SLC7A13: variants seen among roughly 807,000 people sequenced by gnomAD.
SLC7A13 encodes X-amino acid transporter 2.
A neutral mutation model predicts 32.0 loss-of-function variants in SLC7A13; 31 were observed. That is an observed-to-expected ratio of 0.97 (90% CI 0.73 to 1.31). The LOEUF is 1.31. Ranked by LOEUF, SLC7A13 falls within the 50% of genes most tolerant of loss-of-function variation. The pLI, the probability that SLC7A13 is intolerant of heterozygous loss-of-function variation, is 0.00. For missense variants in SLC7A13, 633 were observed against 546.9 expected (o/e 1.16, Z -1.57); for synonymous variants, 232 against 206.9 (o/e 1.12, Z -1.04).
At chr8:86,222,932 C>A (rs746228232) in intron 2 of SLC7A13, 40 bp downstream of exon 2, 2 of 1,539,954 alleles carry the variant, frequency 1.3e-6, no homozygotes, top group African/African-American at 1.4e-5. Flanking sequence ...GTTGAAAGGA[C>A]CAGCACTTTA....
intron 3 of SLC7A13, chr8:86,215,512 AC>A: frequency 3.4e-6 from 1 of 295,510 alleles, no homozygotes; most frequent in Non-Finnish European, 6.7e-6. Context: ...ATGGTGAAAC[AC>A]CGTCTCTACT....
chr8:86,224,790 A>C (rs1349568690), intron 1 of SLC7A13, among the ~76,000 whole-genome samples: 1 of 152,246 alleles, frequency 6.6e-6, no homozygotes, highest in Non-Finnish European at 1.5e-5. Context: ...CAAGAATTTG[A>C]AACAAAGTTC....
rs1211014246 is a variant in SLC7A13 at position 86,230,304 on chromosome 8, T to C, written c.-27A>G. The C allele has an allele frequency of 6.7e-7, 1 of 1,501,106 alleles. No homozygotes were observed. Among genetic ancestry groups the C allele is most frequent in the Non-Finnish European group, 8.9e-7 (1 of 1,124,896 alleles). 93.0% of individuals were successfully genotyped at this position (1,501,106 alleles called of 1,614,324 possible). A position where few individuals can be genotyped will look rare whatever the true frequency, so the allele number is the denominator to read the frequency against. On this transcript the variant is annotated 5_prime_UTR_variant, in exon 1 of 4. The change creates a new upstream start codon in the 5' untranslated region. Coordinates refer to ENST00000297524, the MANE Select transcript of SLC7A13 (RefSeq NM_138817.3). ...GTAATTGAAGAGTTTTAAAATTCTA[T>C]ATAAATTACAATTTCTAGATTTTCC...
intron 2 of SLC7A13, 141 bp downstream of exon 2, chr8:86,222,831 G>C: frequency 2.7e-6 from 2 of 746,386 alleles, no homozygotes; most frequent in Non-Finnish European, 3.9e-6. Flanking sequence ...ATTCCCTTTG[G>C]CCCTCTGTTA....
Position 86,229,853 on chromosome 8 carries a change from A to G in SLC7A13, c.425T>C (p.Leu142Ser), listed in dbSNP as rs1362862981. Reference sequence around the variant, plus strand: ...AGAAGTCAGAATTCCTACAATCCACAACATGGCCAATGCCAGACATTTCTT... The same window carrying G: ...AGAAGTCAGAATTCCTACAATCCACGACATGGCCAATGCCAGACATTTCTT... ...LPKKCLALAM[L>S]WIVGILTSRG... The change falls in exon 1 of 4, where the codon TTG becomes TCG. Residue 142 changes from leucine (L) to serine (S), a missense_variant. Physicochemically the swap from Leu to Ser is moderately radical, Grantham distance 145. Coordinates refer to ENST00000297524, the MANE Select transcript of SLC7A13 (RefSeq NM_138817.3). 1 of 1,614,188 alleles carries G rather than the reference A, an allele frequency of 6.2e-7. No homozygotes were observed. The highest frequency in any genetic ancestry group is 1.7e-5 in the Admixed American group (1 of 60,004).
At chr8:86,219,695 G>C (rs143079584) in intron 2 of SLC7A13, among the ~76,000 whole-genome samples, 1 of 151,966 alleles carries the variant, frequency 6.6e-6, no homozygotes, top group South Asian at 2.1e-4. Context: ...TGCTCTTATT[G>C]GTACATTTGC....
chr8:86,214,418 C>T lies in SLC7A13; in HGVS notation c.1408G>A (p.Glu470Lys), dbSNP rs9693999. The change falls in exon 4 of 4, where the codon GAA becomes AAA. Residue 470 changes from glutamate to lysine, a missense_variant. By Grantham distance (56) the Glu-to-Lys change is moderately conservative (BLOSUM62 1). Coordinates refer to ENST00000297524, the MANE Select transcript of SLC7A13 (RefSeq NM_138817.3). Reference protein sequence around the residue: ...FNICLPDVSEE With the variant: ...FNICLPDVSEK ...AGAGTTTGCACTTCCGACATCTATTCCTCAGACACATCAGGGAGGCAAATA... is the reference window on the plus strand; with the variant it reads ...AGAGTTTGCACTTCCGACATCTATTTCTCAGACACATCAGGGAGGCAAATA... 6.4e-3 allele frequency: 10,246 copies of T among 1,596,532 alleles called. 486 individuals carry two copies. The African/African-American group carries it at 0.11, about 17-fold the overall frequency.
Position 86,214,535 on chromosome 8 carries a change from T to C in SLC7A13, c.1291A>G (p.Ser431Gly), listed in dbSNP as rs1278133265. ...AAAGGTATGTAAAATAGTAATCCGC[T>C]GAGAACTAACAGAAGCACGTAGACA... Reference protein sequence around the residue: ...HYVYVLLLVLSGLLFYIPLIH... With the variant: ...HYVYVLLLVLGGLLFYIPLIH... Residue 431 changes from serine (S) to glycine (G), a missense_variant, in exon 4 of 4, where the codon AGC (serine) becomes GGC (glycine). Physicochemically the swap from Ser to Gly is moderately conservative, Grantham distance 56. Transcript: ENST00000297524. 2 of 1,613,496 alleles carry C rather than the reference T, an allele frequency of 1.2e-6. No individual in the cohort carries two copies. The highest frequency in any genetic ancestry group is 1.7e-6 in the Non-Finnish European group (2 of 1,179,712).
chr8:86,222,950 C>T (rs780500730), intron 2 of SLC7A13, 22 bp downstream of exon 2: 16 of 1,573,762 alleles, frequency 1.0e-5, no homozygotes, highest in Admixed American at 1.9e-5. Context: ...TTATTTATTG[C>T]TTTAGCCATT....
At position 86,214,514 on chromosome 8, in the gene SLC7A13, G is replaced by C. The variant is rs371751169; in HGVS notation, c.1312C>G (p.Pro438Ala). 7.4e-6 allele frequency: 12 copies of C among 1,611,926 alleles called. No homozygotes were observed. Among genetic ancestry groups the C allele is most frequent in the East Asian group, 2.2e-5 (1 of 44,748 alleles). The change falls in exon 4 of 4, where the codon CCT becomes GCT. Residue 438 changes from proline to alanine, a missense_variant. Transcript: ENST00000297524. ...AATCTTATTTTAAAATGTATTAAAGGTATGTAAAATAGTAATCCGCTGAGA... is the reference window on the plus strand; with the variant it reads ...AATCTTATTTTAAAATGTATTAAAGCTATGTAAAATAGTAATCCGCTGAGA... ...LVLSGLLFYIPLIHFKIRLAW... is the reference protein window; with the variant it reads ...LVLSGLLFYIALIHFKIRLAW...
chr8:86,221,144 C>T (rs1228923605), intron 2 of SLC7A13, among the ~76,000 whole-genome samples: 3 of 152,076 alleles, frequency 2.0e-5, no homozygotes. Flanking sequence ...TTGTTAACTA[C>T]TTATTTACTG....
chr8:86,222,984 T>A lies in SLC7A13; in HGVS notation c.805A>T (p.Ile269Phe). The A allele has an allele frequency of 6.2e-7, 1 of 1,603,020 alleles. No homozygotes were observed. Among genetic ancestry groups the A allele is most frequent in the East Asian group, 2.3e-5 (1 of 44,402 alleles). ...TTTGCATACAAACCTGAAGAGAGAA[T>A]TTCCCTGGGTGTCAGAACAGTCAGA... Reference protein sequence around the residue: ...SYLTVLTPREILSSDAVAITW... With the variant: ...SYLTVLTPREFLSSDAVAITW... Residue 269 changes from isoleucine to phenylalanine, a missense_variant, in exon 2 of 4, where the codon ATT becomes TTT. By Grantham distance (21) the Ile-to-Phe change is conservative. Transcript: ENST00000297524.
chr8:86,220,985 T>C (rs1322036693), intron 2 of SLC7A13, among the ~76,000 whole-genome samples: 2 of 137,466 alleles, frequency 1.5e-5, no homozygotes, highest in Admixed American at 1.5e-4. Flanking sequence ...AGAGCAAGAC[T>C]CTGTTTCAAA....
rs1223749096 is a variant in SLC7A13, at chr8:86,229,974, A to G, written c.304T>C (p.Phe102Leu). Residue 102 changes from phenylalanine to leucine, a missense_variant, in exon 1 of 4, where the codon TTT becomes CTT. Transcript: ENST00000297524. The stretch of plus-strand genomic sequence containing the variant: ...CCAGCAACTACCCCTGACCCCAGAA[A>G]CAAGGATGTCCAGAGATTCAAAAAA... ...VAFLNLWTSL[F>L]LGSGVVAGQA... is the part of the protein sequence containing the mutation. 1.2e-6 allele frequency: 2 copies of G among 1,614,210 alleles called. No individual in the cohort carries two copies. Among genetic ancestry groups the G allele is most frequent in the Admixed American group, 1.7e-5 (1 of 60,008 alleles).
rs749974879 is a variant in SLC7A13, at chr8:86,214,580, T to G, written c.1246A>C (p.Lys416Gln). ...TAGACATAATGCACATTTGGAGACTTTACCAATGGTATCACAACCAAGCCC... is the reference window on the plus strand; with the variant it reads ...TAGACATAATGCACATTTGGAGACTGTACCAATGGTATCACAACCAAGCCC... ...DVGLVVIPLV[K>Q]SPNVHYVYVL... The change falls in exon 4 of 4, where the codon AAG becomes CAG. Residue 416 changes from lysine (K) to glutamine (Q), a missense_variant. Transcript: ENST00000297524. 2 of 1,613,796 alleles carry G rather than the reference T, an allele frequency of 1.2e-6. No homozygotes were observed. Among genetic ancestry groups the G allele is most frequent in the South Asian group, 2.2e-5 (2 of 91,068 alleles).
In SLC7A13 at chr8:86,217,490, T is replaced by A. The variant is rs1347308990; in HGVS notation, c.1159A>T (p.Asn387Tyr). The A allele has an allele frequency of 2.5e-6, 4 of 1,585,100 alleles. No homozygotes were observed. The highest frequency in any genetic ancestry group is 8.5e-7 in the Non-Finnish European group (1 of 1,169,822). The change falls in exon 3 of 4, where the codon AAT (asparagine) becomes TAT (tyrosine). Residue 387 changes from asparagine to tyrosine, a missense_variant. Physicochemically the swap from Asn to Tyr is moderately radical, Grantham distance 143. Transcript: ENST00000297524. ...TTTACCTTATAAGGTATAGATAGAT[T>A]GGGTTCCTGGTATCTCCGCCTTAGT... ...GILRRRYQEP[N>Y]LSIPYKVFLS... is the part of the protein sequence containing the mutation.
At chr8:86,222,831 G>T in intron 2 of SLC7A13, 141 bp downstream of exon 2, 3 of 746,386 alleles carry the variant, frequency 4.0e-6, no homozygotes, top group Non-Finnish European at 5.9e-6. Context: ...ATTCCCTTTG[G>T]CCCTCTGTTA....
chr8:86,230,174 G>A lies in SLC7A13; in HGVS notation c.104C>T (p.Pro35Leu). 1.9e-6 allele frequency: 3 copies of A among 1,614,002 alleles called. No homozygotes were observed. The highest frequency in any genetic ancestry group is 4.5e-5 in the East Asian group (2 of 44,876). The change falls in exon 1 of 4, where the codon CCC (proline) becomes CTC (leucine). Residue 35 changes from proline to leucine, a missense_variant. Pro to Leu is a moderately conservative substitution (Grantham distance 98). Coordinates refer to ENST00000297524, the MANE Select transcript of SLC7A13 (RefSeq NM_138817.3). The stretch of plus-strand genomic sequence containing the variant: ...GCAAGAGTATGCCAACACACCTTTG[G>A]GGGACACAAAAATTCCTGCACCAAT... ...NIIGAGIFVS[P>L]KGVLAYSCMN...
chr8:86,228,976 C>T (rs968381352), intron 1 of SLC7A13, among the ~76,000 whole-genome samples: 2 of 152,152 alleles, frequency 1.3e-5, no homozygotes, highest in African/African-American at 4.8e-5. Flanking sequence ...ACATCACACC[C>T]AGCCCTATTT....
Sources: gnomAD v4.1 joint callset for allele counts (sites outside exome capture counted in the v4.1 genomes callset) on GRCh38, gnomAD v4.1.1 for gene constraint, MANE v1.5 for transcripts, NCBI Gene and HGNC (gene_info 2026-07-23, HGNC 2026-07-21) for gene names.